The following CSMD1 variants were observed in gnomAD, a reference collection of about 807,000 sequenced individuals.
CSMD1 encodes the protein CUB and sushi domain-containing protein 1.
In CSMD1, 213 loss-of-function variants were observed where a neutral mutation model predicts 417.5. The ratio of observed to expected loss-of-function variants is 0.51; its 90% CI spans 0.46 to 0.57. The LOEUF (loss-of-function observed/expected upper bound fraction) is 0.57. CSMD1 is among the 20% of genes least tolerant of loss of function. The pLI, the probability that CSMD1 is intolerant of heterozygous loss-of-function variation, is 0.00. For synonymous variants in CSMD1, 2,862 were observed against 1,736.8 expected, an observed-to-expected ratio of 1.65 and a Z score of -16.11; for missense variants, 6,923 against 4,529.7, an observed-to-expected ratio of 1.53 and a Z score of -15.17.
chr8:3,364,736 G>A (rs529249423), intron 20 of CSMD1, among the ~76,000 whole-genome samples: 3 of 152,192 alleles, frequency 2.0e-5, no homozygotes, highest in Admixed American at 6.5e-5. Context: ...TGATGTCACA[G>A]CAAGAAGGCT....
At chr8:3,347,966 A>T in intron 22 of CSMD1, 26 bp downstream of exon 22, 3 of 1,519,192 alleles carry the variant, frequency 2.0e-6, no homozygotes, top group Non-Finnish European at 2.6e-6. Context: ...ACTTGGAGTC[A>T]TCATGTTGGA....
At chr8:3,760,608 G>A (rs1797939698) in intron 5 of CSMD1, among the ~76,000 whole-genome samples, 1 of 152,226 alleles carries the variant, frequency 6.6e-6, no homozygotes, top group Non-Finnish European at 1.5e-5. Flanking sequence ...TATGACTCAT[G>A]CATTTCGCGT....
At chr8:4,908,303 G>C (rs576778215) in intron 1 of CSMD1, among the ~76,000 whole-genome samples, 2 of 152,238 alleles carry the variant, frequency 1.3e-5, no homozygotes, top group African/African-American at 4.8e-5. Flanking sequence ...CTCTGGTTTT[G>C]TGCAGTATGC....
intron 53 of CSMD1, among the ~76,000 whole-genome samples, chr8:2,999,254 A>G (rs1177764770): frequency 4.7e-5 from 7 of 150,322 alleles, no homozygotes; most frequent in African/African-American, 1.7e-4. Flanking sequence ...TCCAGGGTTC[A>G]AGCAATTCTC....
At chr8:4,742,274 C>T (rs1810666500) in intron 1 of CSMD1, among the ~76,000 whole-genome samples, 1 of 151,560 alleles carries the variant, frequency 6.6e-6, no homozygotes, top group Non-Finnish European at 1.5e-5. Flanking sequence ...TCATGATCCA[C>T]CCGCCTCGGC....
intron 2 of CSMD1, among the ~76,000 whole-genome samples, chr8:4,586,203 T>A (rs961501070): frequency 4.6e-5 from 7 of 152,204 alleles, no homozygotes; most frequent in Admixed American, 2.0e-4. Flanking sequence ...AAATACATAA[T>A]AAATTATTGT....
chr8:3,573,908 A>T (rs1189421264), intron 10 of CSMD1, among the ~76,000 whole-genome samples: 1 of 152,120 alleles, frequency 6.6e-6, no homozygotes, highest in Non-Finnish European at 1.5e-5. Flanking sequence ...AATCAATATG[A>T]AGATGTCTAC....
At chr8:3,314,161 C>G (rs1414266367) in intron 23 of CSMD1, among the ~76,000 whole-genome samples, 1 of 151,994 alleles carries the variant, frequency 6.6e-6, no homozygotes, top group Non-Finnish European at 1.5e-5. Context: ...AGGAGATATA[C>G]CTAATGTTAA....
intron 5 of CSMD1, among the ~76,000 whole-genome samples, chr8:3,957,500 C>CAG: frequency 6.6e-6 from 1 of 152,018 alleles, no homozygotes; most frequent in East Asian, 1.9e-4. Context: ...AACATGGCCG[C>CAG]ACTCTTCTCT....
chr8:4,803,950 G>T (rs1272471694), intron 1 of CSMD1, among the ~76,000 whole-genome samples: 7 of 152,170 alleles, frequency 4.6e-5, no homozygotes, highest in Non-Finnish European at 1.0e-4. Flanking sequence ...ATTCATGCAA[G>T]ACAAGTCTTT....
At chr8:4,155,053 G>A (rs1309794636) in intron 3 of CSMD1, among the ~76,000 whole-genome samples, 2 of 152,174 alleles carry the variant, frequency 1.3e-5, no homozygotes, top group East Asian at 3.8e-4. Flanking sequence ...TGCAGAATTT[G>A]TCCTGTTCCA....
At chr8:3,687,014 G>C (rs2624080) in intron 7 of CSMD1, among the ~76,000 whole-genome samples, 23,657 of 152,186 alleles carry the variant, frequency 0.16, 1,962 homozygotes, top group African/African-American at 0.22. Flanking sequence ...GATGTGACTG[G>C]TCAAGTAGGG....
At chr8:4,636,605 T>C (rs1010411958) in intron 2 of CSMD1, among the ~76,000 whole-genome samples, 1 of 152,230 alleles carries the variant, frequency 6.6e-6, no homozygotes, top group African/African-American at 2.4e-5. Flanking sequence ...TTAAAAACAA[T>C]GGTGTATTAT....
intron 11 of CSMD1, among the ~76,000 whole-genome samples, chr8:3,488,933 C>T (rs1276781941): frequency 6.6e-6 from 1 of 152,036 alleles, no homozygotes; most frequent in Non-Finnish European, 1.5e-5. Context: ...TTTTTTAAAA[C>T]CGAAAATGTA....
At chr8:4,570,562 C>T (rs764120787) in intron 2 of CSMD1, among the ~76,000 whole-genome samples, 10 of 152,238 alleles carry the variant, frequency 6.6e-5, no homozygotes, top group South Asian at 4.1e-4. Context: ...ATTTTCACAT[C>T]GATGTTCATC....
chr8:4,899,026 A>T (rs563645845), intron 1 of CSMD1, among the ~76,000 whole-genome samples: 1 of 152,216 alleles, frequency 6.6e-6, no homozygotes, highest in African/African-American at 2.4e-5. Flanking sequence ...TGCTAAACAC[A>T]ATCGACTCCT....
chr8:3,214,152 G>A (rs144375290), intron 30 of CSMD1, among the ~76,000 whole-genome samples: 3 of 151,978 alleles, frequency 2.0e-5, no homozygotes, highest in African/African-American at 7.3e-5. Flanking sequence ...CTAGAAGTAA[G>A]TATTTTATAT....
intron 3 of CSMD1, among the ~76,000 whole-genome samples, chr8:4,390,142 T>C (rs1266038355): frequency 6.6e-6 from 1 of 152,248 alleles, no homozygotes; most frequent in Non-Finnish European, 1.5e-5. Flanking sequence ...TGGACTTTAA[T>C]TCATTGTCAT....
At chr8:3,919,362 A>G (rs1047948553) in intron 5 of CSMD1, among the ~76,000 whole-genome samples, 1 of 152,036 alleles carries the variant, frequency 6.6e-6, no homozygotes, top group Non-Finnish European at 1.5e-5. Context: ...CGACATACTC[A>G]GTTGTCTCAA....
Sources: allele counts gnomAD v4.1 joint callset (sites outside exome capture counted in the v4.1 genomes callset), GRCh38; gene constraint gnomAD v4.1.1; transcripts MANE v1.5; gene names NCBI Gene and HGNC (gene_info 2026-07-23, HGNC 2026-07-21).